Variants in TSHZ2 observed in about 807,000 individuals in gnomAD.
TSHZ2 encodes the protein teashirt zinc finger homeobox 2.
A neutral mutation model predicts 74.4 loss-of-function variants in TSHZ2; 21 were observed. That is an observed-to-expected ratio of 0.28 (90% CI 0.20 to 0.41). TSHZ2 has a LOEUF of 0.41. Among genes scored for constraint, TSHZ2 ranks in the 10% least tolerant of loss-of-function variants. TSHZ2 has a pLI of 1.00. For missense variants in TSHZ2, 1,244 were observed against 1,293.5 expected (o/e 0.96, Z 0.59); for synonymous variants, 540 against 515.3 (o/e 1.05, Z -0.65).
At chr20:53,424,928 G>A (rs1235862329) in intron 2 of TSHZ2, among the ~76,000 whole-genome samples, 1 of 152,150 alleles carries the variant, frequency 6.6e-6, no homozygotes, top group Admixed American at 6.5e-5. Flanking sequence ...GTATTCCATG[G>A]TGTATATATA....
intron 2 of TSHZ2, among the ~76,000 whole-genome samples, chr20:53,287,566 C>G (rs1991192598): frequency 1.3e-5 from 2 of 152,220 alleles, no homozygotes; most frequent in East Asian, 1.9e-4. Flanking sequence ...TGTTACTTAT[C>G]TGTTGAGTAT....
chr20:53,364,568 G>A (rs1981186683), intron 2 of TSHZ2, among the ~76,000 whole-genome samples: 1 of 152,236 alleles, frequency 6.6e-6, no homozygotes, highest in Non-Finnish European at 1.5e-5. Context: ...TCTTCTGGAT[G>A]CAAACTGAAT....
chr20:53,096,947 C>CA (rs201536999), intron 1 of TSHZ2, among the ~76,000 whole-genome samples: 65 of 148,948 alleles, frequency 4.4e-4, no homozygotes, highest in South Asian at 8.7e-4. Flanking sequence ...AAACAAAAAA[C>CA]AAAAAAAAAC....
At chr20:53,069,481 C>G (rs185791481) in intron 1 of TSHZ2, among the ~76,000 whole-genome samples, 1 of 152,036 alleles carries the variant, frequency 6.6e-6, no homozygotes, top group African/African-American at 2.4e-5. Flanking sequence ...TTTACTTTAT[C>G]GGTAAAACTA....
chr20:53,374,331 G>T lies in TSHZ2; in HGVS notation c.*9-112813G>T, dbSNP rs191544047. 1.6e-4 allele frequency among the ~76,000 whole-genome samples: 25 copies of T among 152,078 alleles called. No homozygotes were observed. In the East Asian group the frequency reaches 3.3e-3, roughly 20 times the overall value. On this transcript the variant is annotated intron_variant, in intron 2 of 2. Coordinates refer to ENST00000371497, the MANE Select transcript of TSHZ2 (RefSeq NM_173485.6). The stretch of plus-strand genomic sequence containing the variant: ...GCAAAAGACATGATCTCATTCTTTT[G>T]TATGGCTGTGTAGTATTTCATGGTA...
At chr20:53,271,868 A>G (rs1399221474) in intron 2 of TSHZ2, among the ~76,000 whole-genome samples, 1 of 152,212 alleles carries the variant, frequency 6.6e-6, no homozygotes, top group Non-Finnish European at 1.5e-5. Context: ...GTGGATGTGC[A>G]TACAATGGCT....
intron 2 of TSHZ2, among the ~76,000 whole-genome samples, chr20:53,455,603 T>C (rs1032364176): frequency 3.3e-5 from 5 of 152,208 alleles, no homozygotes; most frequent in African/African-American, 1.2e-4. Flanking sequence ...AGGGTACATG[T>C]GCACATTGTG....
At chr20:53,033,693 T>C (rs1452892151) in intron 1 of TSHZ2, among the ~76,000 whole-genome samples, 1 of 133,602 alleles carries the variant, frequency 7.5e-6, no homozygotes, top group Non-Finnish European at 1.5e-5. Flanking sequence ...AGGGTCTTGC[T>C]GTGTCACCCA....
intron 1 of TSHZ2, among the ~76,000 whole-genome samples, chr20:53,182,452 G>A (rs1988504348): frequency 6.6e-6 from 1 of 152,220 alleles, no homozygotes; most frequent in Admixed American, 6.5e-5. Flanking sequence ...AGCCACCTCT[G>A]CATAGAGGTA....
intron 1 of TSHZ2, among the ~76,000 whole-genome samples, chr20:53,127,133 T>C (rs918967452): frequency 6.6e-6 from 1 of 152,244 alleles, no homozygotes; most frequent in Non-Finnish European, 1.5e-5. Context: ...TATCTATAGA[T>C]GCACATGTGG....
intron 1 of TSHZ2, among the ~76,000 whole-genome samples, chr20:53,191,310 T>A (rs1988732684): frequency 6.6e-6 from 1 of 152,184 alleles, no homozygotes; most frequent in African/African-American, 2.4e-5. Context: ...AATTAAGCAA[T>A]ATTTCTCTAC....
At chr20:53,264,368 G>A (rs369377041) in intron 2 of TSHZ2, among the ~76,000 whole-genome samples, 100 of 152,306 alleles carry the variant, frequency 6.6e-4, no homozygotes, top group South Asian at 5.8e-3. Flanking sequence ...CATCAGAATC[G>A]GAGCACAGGG....
intron 1 of TSHZ2, among the ~76,000 whole-genome samples, chr20:52,997,101 T>C (rs1242267506): frequency 6.6e-6 from 1 of 152,184 alleles, no homozygotes; most frequent in Admixed American, 6.5e-5. Flanking sequence ...CTCATATTTG[T>C]CACCCAGATT....
rs145687498 is a variant in TSHZ2 at position 53,216,537 on chromosome 20, C to A, written c.41-36962C>A. 9.2e-5 allele frequency among the ~76,000 whole-genome samples: 14 copies of A among 152,314 alleles called. No homozygotes were observed. In the East Asian group the frequency reaches 2.3e-3, roughly 25 times the overall value. ...AACAAAGGGTTCTCAAGCATAGGTG[C>A]GACCCAACCAACCCTTCACCAGCCA... On this transcript the variant is annotated intron_variant, in intron 1 of 2. Transcript: ENST00000371497.
chr20:53,094,671 C>T (rs1440026809), intron 1 of TSHZ2, among the ~76,000 whole-genome samples: 1 of 152,192 alleles, frequency 6.6e-6, no homozygotes, highest in African/African-American at 2.4e-5. Context: ...ATGTGAACAT[C>T]TGCATCATGG....
intron 2 of TSHZ2, among the ~76,000 whole-genome samples, chr20:53,476,240 C>T (rs1337296173): frequency 6.9e-6 from 1 of 144,206 alleles, no homozygotes; most frequent in Non-Finnish European, 1.5e-5. Context: ...CCTTGATGAA[C>T]ATTGATGCAA....
At chr20:53,293,834 G>A (rs1435025914) in intron 2 of TSHZ2, among the ~76,000 whole-genome samples, 1 of 151,902 alleles carries the variant, frequency 6.6e-6, no homozygotes, top group Admixed American at 6.6e-5. Flanking sequence ...TGGACAACAT[G>A]GTGAAACCCC....
intron 1 of TSHZ2, among the ~76,000 whole-genome samples, chr20:53,246,430 A>G (rs1161008322): frequency 1.3e-5 from 2 of 152,240 alleles, no homozygotes; most frequent in South Asian, 2.1e-4. Context: ...CTGAGTATAC[A>G]TGATTACTTA....
chr20:53,272,016 T>A (rs1481599532), intron 2 of TSHZ2, among the ~76,000 whole-genome samples: 2 of 140,184 alleles, frequency 1.4e-5, no homozygotes, highest in Non-Finnish European at 3.3e-5. Flanking sequence ...AGAAGTGGAT[T>A]TTTTTTTTTC....
Sources: allele counts gnomAD v4.1 joint callset (sites outside exome capture counted in the v4.1 genomes callset), GRCh38; gene constraint gnomAD v4.1.1; transcripts MANE v1.5; gene names NCBI Gene and HGNC (gene_info 2026-07-23, HGNC 2026-07-21).